KIAA1549L: variants seen among roughly 807,000 people sequenced by gnomAD.
KIAA1549L encodes KIAA1549 like.
In KIAA1549L, 88 loss-of-function variants were observed where a neutral mutation model predicts 160.7. The observed-to-expected ratio is 0.55, with a 90% CI of 0.46 to 0.65. KIAA1549L has a LOEUF of 0.65. Ranked by LOEUF, KIAA1549L falls within the 30% of genes least tolerant of loss-of-function variation. The probability of loss-of-function intolerance (pLI) is 0.00; values close to 1 mark genes in which losing one functional copy is unlikely to be tolerated. For missense variants in KIAA1549L, 2,258 were observed against 2,437.5 expected (o/e 0.93, Z 1.55); for synonymous variants, 950 against 976.7 (o/e 0.97, Z 0.51).
intron 16 of KIAA1549L, among the ~76,000 whole-genome samples, chr11:33,624,307 T>C (rs1851037425): frequency 6.6e-6 from 1 of 152,214 alleles, no homozygotes; most frequent in African/African-American, 2.4e-5. Flanking sequence ...GCTGGCAGTG[T>C]GCCCAGCAGC....
chr11:33,497,661 ATT>A (rs1852851298), intron 1 of KIAA1549L, among the ~76,000 whole-genome samples: 2 of 152,206 alleles, frequency 1.3e-5, no homozygotes, highest in Non-Finnish European at 2.9e-5. Flanking sequence ...TCCTATTTAC[ATT>A]ACGAAAACAT....
chr11:33,516,337 G>A lies in KIAA1549L; in HGVS notation c.239-25465G>A, dbSNP rs373309362. ...CGGCTAATTTTTTGTATTTTTAGTAGAGACGGGGTTTCACCGTGTTAGCCA... is the reference window on the plus strand; with the variant it reads ...CGGCTAATTTTTTGTATTTTTAGTAAAGACGGGGTTTCACCGTGTTAGCCA... On this transcript the variant is annotated intron_variant, in intron 1 of 20. Transcript: ENST00000658780. Among the ~76,000 whole-genome samples, 27 of 39,510 alleles carry A rather than the reference G, an allele frequency of 6.8e-4. 10 individuals carry two copies. The East Asian group carries it at 0.012, about 18-fold the overall frequency. 25.9% of individuals were successfully genotyped at this position (39,510 alleles called of 152,430 possible).
intron 1 of KIAA1549L, among the ~76,000 whole-genome samples, chr11:33,477,854 T>TACAC (rs138995084): frequency 1.1e-4 from 15 of 137,560 alleles, no homozygotes; most frequent in African/African-American, 2.2e-4. Context: ...CACAGATGCA[T>TACAC]ACACACACAC....
At chr11:33,647,311 A>G (rs1389955701) in intron 17 of KIAA1549L, among the ~76,000 whole-genome samples, 1 of 149,112 alleles carries the variant, frequency 6.7e-6, no homozygotes, top group Non-Finnish European at 1.5e-5. Context: ...AGGAGGCAGA[A>G]GTTGCAGTGA....
intron 6 of KIAA1549L, among the ~76,000 whole-genome samples, chr11:33,557,430 T>C (rs1854687125): frequency 6.6e-6 from 1 of 152,210 alleles, no homozygotes; most frequent in Non-Finnish European, 1.5e-5. Context: ...AATGCCTTTC[T>C]TTTTGGTACC....
chr11:33,475,885 A>G (rs1852275059), intron 1 of KIAA1549L, among the ~76,000 whole-genome samples: 1 of 151,966 alleles, frequency 6.6e-6, no homozygotes, highest in African/African-American at 2.4e-5. Context: ...AAACAAAAAT[A>G]TAGTCTCTCT....
intron 14 of KIAA1549L, 104 bp from the exon 15 acceptor site, chr11:33,609,645 A>G: frequency 1.1e-6 from 1 of 871,744 alleles, no homozygotes; most frequent in Non-Finnish European, 1.8e-6. Context: ...CCCGGAGGTG[A>G]TGCCTGTGAT....
chr11:33,523,127 T>A (rs1853535055), intron 1 of KIAA1549L, among the ~76,000 whole-genome samples: 1 of 152,222 alleles, frequency 6.6e-6, no homozygotes, highest in Non-Finnish European at 1.5e-5. Context: ...CCATCAGTTC[T>A]TTGTTTTCTT....
chr11:33,656,056 G>A lies in KIAA1549L; in HGVS notation c.5805G>A (p.Pro1935=), dbSNP rs763541750. ...TTCCTGAGATGGTCATGGGCTCACCGCCTCCACCCGTACCTCCCCGGACTG... is the reference window on the plus strand; with the variant it reads ...TTCCTGAGATGGTCATGGGCTCACCACCTCCACCCGTACCTCCCCGGACTG... The part of the protein sequence containing the change: ...SQLPEMVMGS[P]PPPVPPRTGP... The change falls in exon 18 of 21, where the codon CCG becomes CCA. Residue 1935 remains proline (P), a synonymous_variant. Transcript: ENST00000658780. The A allele has an allele frequency of 1.1e-5, 18 of 1,613,710 alleles. No individual in the cohort carries two copies. Among genetic ancestry groups the A allele is most frequent in the Middle Eastern group, 1.6e-4 (1 of 6,084 alleles).
chr11:33,410,758 G>A (rs774591836), intron 1 of KIAA1549L, among the ~76,000 whole-genome samples: 6 of 152,198 alleles, frequency 3.9e-5, no homozygotes, highest in Non-Finnish European at 8.8e-5. Context: ...TTGGATCTAT[G>A]GAGAAGGGAG....
At chr11:33,382,700 G>T (rs1282491984) in intron 1 of KIAA1549L, among the ~76,000 whole-genome samples, 1 of 152,072 alleles carries the variant, frequency 6.6e-6, no homozygotes, top group Non-Finnish European at 1.5e-5. Flanking sequence ...GTACTTCAAA[G>T]ATTCTTACAA....
At chr11:33,448,089 T>A (rs1162636962) in intron 1 of KIAA1549L, among the ~76,000 whole-genome samples, 2 of 152,212 alleles carry the variant, frequency 1.3e-5, no homozygotes, top group Non-Finnish European at 2.9e-5. Context: ...TTTTAAAAAA[T>A]TTTAAGTTTT....
intron 20 of KIAA1549L, 128 bp downstream of exon 20, chr11:33,661,142 G>A (rs1852248593): frequency 1.1e-6 from 1 of 950,526 alleles, no homozygotes; most frequent in Non-Finnish European, 1.5e-6. Context: ...GATGACTAAA[G>A]TCAGCCATTT....
intron 16 of KIAA1549L, among the ~76,000 whole-genome samples, chr11:33,625,178 T>C (rs1176115954): frequency 6.6e-6 from 1 of 151,828 alleles, no homozygotes; most frequent in Non-Finnish European, 1.5e-5. Flanking sequence ...TTTGGGTTGG[T>C]TCCAAGTCTT....
At chr11:33,454,278 A>G (rs1565143992) in intron 1 of KIAA1549L, among the ~76,000 whole-genome samples, 1 of 152,228 alleles carries the variant, frequency 6.6e-6, no homozygotes. Flanking sequence ...CTCCAGTTCT[A>G]GCACCCCGAA....
At chr11:33,445,311 T>C (rs1017134651) in intron 1 of KIAA1549L, among the ~76,000 whole-genome samples, 2 of 152,144 alleles carry the variant, frequency 1.3e-5, no homozygotes, top group African/African-American at 4.8e-5. Flanking sequence ...CAGAGAGAAG[T>C]TGGATAACAG....
intron 1 of KIAA1549L, among the ~76,000 whole-genome samples, chr11:33,533,404 CT>C (rs998983889): frequency 2.0e-5 from 3 of 152,326 alleles, no homozygotes; most frequent in Non-Finnish European, 4.4e-5. Context: ...GTGTCCAAAC[CT>C]GGCTAAGCAC....
intron 1 of KIAA1549L, among the ~76,000 whole-genome samples, chr11:33,378,557 A>G (rs182867066): frequency 7.8e-4 from 118 of 152,236 alleles, no homozygotes; most frequent in African/African-American, 2.7e-3. Context: ...CTTTGATTAC[A>G]ATGATGGTAA....
intron 1 of KIAA1549L, among the ~76,000 whole-genome samples, chr11:33,473,479 G>A (rs1024382700): frequency 2.0e-5 from 3 of 152,190 alleles, no homozygotes; most frequent in Non-Finnish European, 4.4e-5. Flanking sequence ...AAAGACACGC[G>A]TGAAGGCTCA....
Sources: gnomAD v4.1 joint callset for allele counts (sites outside exome capture counted in the v4.1 genomes callset) on GRCh38, gnomAD v4.1.1 for gene constraint, MANE v1.5 for transcripts, NCBI Gene and HGNC (gene_info 2026-07-23, HGNC 2026-07-21) for gene names.